SPOCK3: variants seen among roughly 807,000 people sequenced by gnomAD.
SPOCK3 encodes the protein testican-3.
Under a neutral mutation model 56.6 loss-of-function variants are expected in SPOCK3, and 30 were observed. The ratio of observed to expected loss-of-function variants is 0.53; its 90% CI spans 0.40 to 0.72. The LOEUF (loss-of-function observed/expected upper bound fraction) is 0.72, where lower values mean the gene tolerates loss of function less well. SPOCK3 is among the 30% of genes least tolerant of loss of function. SPOCK3 has a pLI of 0.00. For missense variants in SPOCK3, 527 were observed against 530.0 expected, an observed-to-expected ratio of 0.99 and a Z score of 0.06; for synonymous variants, 196 against 183.3, an observed-to-expected ratio of 1.07 and a Z score of -0.56.
rs190995168 is a variant in SPOCK3, at chr4:167,013,723, A to G, written c.236-13260T>C. 1.9e-3 allele frequency among the ~76,000 whole-genome samples: 293 copies of G among 152,176 alleles called. 1 individual carries two copies. The highest frequency in any genetic ancestry group is 6.6e-3 in the African/African-American group (275 of 41,560). ...CAAAAAAGCTGTCTCAAATAGAATCATAAAAGAAAGCCCCTACTAATATGG... is the reference window on the plus strand; with the variant it reads ...CAAAAAAGCTGTCTCAAATAGAATCGTAAAAGAAAGCCCCTACTAATATGG... On this transcript the variant is annotated intron_variant, in intron 3 of 10. Coordinates refer to ENST00000357545, the MANE Select transcript of SPOCK3 (RefSeq NM_001040159.2).
upstream of SPOCK3, chr4:167,234,567 C>T (rs1482839073): frequency 1.7e-5 from 4 of 230,442 alleles, no homozygotes; most frequent in South Asian, 2.5e-4. Context: ...CCACTCAGCT[C>T]CCTGCGCCCG....
chr4:167,214,101 G>A (rs1735137001), intron 2 of SPOCK3, among the ~76,000 whole-genome samples: 1 of 151,602 alleles, frequency 6.6e-6, no homozygotes. Context: ...TAGATGCAAA[G>A]ATGCAACCTT....
chr4:167,025,364 G>A (rs1276824915), intron 3 of SPOCK3, among the ~76,000 whole-genome samples: 1 of 151,952 alleles, frequency 6.6e-6, no homozygotes, highest in African/African-American at 2.4e-5. Context: ...GCTCTCTGAT[G>A]AAACTGGCAG....
chr4:167,032,455 C>A (rs1752365198), intron 3 of SPOCK3, among the ~76,000 whole-genome samples: 1 of 151,854 alleles, frequency 6.6e-6, no homozygotes, highest in African/African-American at 2.4e-5. Flanking sequence ...AGATGTTGAC[C>A]AGCTTCACAG....
At chr4:166,990,397 A>T (rs200120825) in intron 4 of SPOCK3, among the ~76,000 whole-genome samples, 3 of 79,154 alleles carry the variant, frequency 3.8e-5, no homozygotes, top group Non-Finnish European at 1.0e-4. Flanking sequence ...TAATAAAAAA[A>T]TTAAAAAAAA....
At chr4:166,952,111 G>T (rs1269920337) in intron 4 of SPOCK3, among the ~76,000 whole-genome samples, 1 of 152,064 alleles carries the variant, frequency 6.6e-6, no homozygotes, top group Non-Finnish European at 1.5e-5. Context: ...GGAAATAAAG[G>T]GTATTCAATT....
intron 2 of SPOCK3, among the ~76,000 whole-genome samples, chr4:167,202,538 T>C (rs1261599634): frequency 2.0e-5 from 3 of 151,994 alleles, no homozygotes; most frequent in African/African-American, 7.2e-5. Context: ...CTAGCATTTA[T>C]GCCACAACCA....
chr4:167,078,366 G>A (rs960476463), intron 2 of SPOCK3, among the ~76,000 whole-genome samples: 1 of 109,224 alleles, frequency 9.2e-6, no homozygotes, highest in Middle Eastern at 5.6e-3. Flanking sequence ...GTGTGTGTGT[G>A]TGTTTGCAGA....
chr4:167,212,736 T>C (rs942271290), intron 2 of SPOCK3, among the ~76,000 whole-genome samples: 1 of 152,108 alleles, frequency 6.6e-6, no homozygotes, highest in Non-Finnish European at 1.5e-5. Flanking sequence ...TACATCATAA[T>C]AGAGAACAGA....
chr4:166,786,894 G>A (rs1740786128), intron 7 of SPOCK3, among the ~76,000 whole-genome samples: 2 of 152,112 alleles, frequency 1.3e-5, no homozygotes, highest in Admixed American at 6.6e-5. Context: ...GGGAAACGGA[G>A]TGCTGAATTT....
At chr4:166,843,132 G>C (rs1306424947) in intron 6 of SPOCK3, among the ~76,000 whole-genome samples, 1 of 152,162 alleles carries the variant, frequency 6.6e-6, no homozygotes, top group Admixed American at 6.5e-5. Context: ...CCAAGCCCGT[G>C]CCCACCCAGA....
At chr4:167,074,629 T>C (rs1757006650) in intron 2 of SPOCK3, among the ~76,000 whole-genome samples, 2 of 152,032 alleles carry the variant, frequency 1.3e-5, no homozygotes, top group Admixed American at 1.3e-4. Context: ...CCTATCGCTA[T>C]AGCATTGTTT....
intron 4 of SPOCK3, among the ~76,000 whole-genome samples, chr4:166,998,485 G>C (rs1205517325): frequency 1.3e-5 from 2 of 152,114 alleles, no homozygotes; most frequent in African/African-American, 4.8e-5. Context: ...GTGGTAAAAA[G>C]CTTAGACTCT....
At chr4:166,854,808 C>T (rs1730486142) in intron 6 of SPOCK3, among the ~76,000 whole-genome samples, 1 of 152,130 alleles carries the variant, frequency 6.6e-6, no homozygotes, top group Non-Finnish European at 1.5e-5. Flanking sequence ...AAAATACATA[C>T]AATCCCTGAG....
intron 6 of SPOCK3, among the ~76,000 whole-genome samples, chr4:166,886,072 C>A (rs1248642629): frequency 2.0e-5 from 3 of 151,930 alleles, no homozygotes; most frequent in Admixed American, 6.6e-5. Context: ...TTTTGCAAGT[C>A]CTTTCTAATT....
chr4:167,115,215 A>G (rs1761231775), intron 2 of SPOCK3, among the ~76,000 whole-genome samples: 1 of 151,800 alleles, frequency 6.6e-6, no homozygotes, highest in African/African-American at 2.4e-5. Context: ...CTGGTTACAT[A>G]TTATCTGTGG....
chr4:167,144,367 T>A (rs906999765), intron 2 of SPOCK3, among the ~76,000 whole-genome samples: 1 of 151,962 alleles, frequency 6.6e-6, no homozygotes, highest in African/African-American at 2.4e-5. Flanking sequence ...CTGTGTAAAA[T>A]TATGCACTAA....
chr4:167,099,174 T>C (rs954128790), intron 2 of SPOCK3, among the ~76,000 whole-genome samples: 4 of 151,986 alleles, frequency 2.6e-5, no homozygotes, highest in African/African-American at 9.7e-5. Flanking sequence ...TTATAGTTAA[T>C]ATATACAATT....
intron 2 of SPOCK3, among the ~76,000 whole-genome samples, chr4:167,064,048 A>C (rs1639656456): frequency 6.6e-6 from 1 of 151,770 alleles, no homozygotes. Flanking sequence ...TAGTGTCTCC[A>C]CTGTATAAGG....
Sources: allele counts gnomAD v4.1 joint callset (sites outside exome capture counted in the v4.1 genomes callset), GRCh38; gene constraint gnomAD v4.1.1; transcripts MANE v1.5; gene names NCBI Gene and HGNC (gene_info 2026-07-23, HGNC 2026-07-21).